CCDC124: variants seen among roughly 807,000 people sequenced by gnomAD.
CCDC124 encodes the protein coiled-coil domain-containing protein 124.
CCDC124 carries 9 observed loss-of-function variants against 19.8 expected under a neutral mutation model. That is an observed-to-expected ratio of 0.45 (90% CI 0.27 to 0.79). CCDC124 has a LOEUF of 0.79. CCDC124 is among the 30% of genes least tolerant of loss of function. The pLI is 0.14. For missense variants in CCDC124, 285 were observed against 319.0 expected (o/e 0.89, Z 0.81); for synonymous variants, 126 against 131.3 (o/e 0.96, Z 0.27).
At chr19:17,941,372 C>T (rs776399250) in intron 2 of CCDC124, among the ~76,000 whole-genome samples, 9 of 151,950 alleles carry the variant, frequency 5.9e-5, no homozygotes, top group Non-Finnish European at 8.8e-5. Flanking sequence ...ATTAGCCAGG[C>T]GTGGTGGTGG....
intron 2 of CCDC124, 116 bp downstream of exon 2, chr19:17,936,695 G>A (rs2031073586): frequency 7.6e-7 from 1 of 1,323,500 alleles, no homozygotes; most frequent in Admixed American, 2.4e-5. Flanking sequence ...GAAAGGCCAG[G>A]AGGGACCAGG....
chr19:17,941,421 AG>A (rs2031177281), intron 2 of CCDC124, among the ~76,000 whole-genome samples: 2 of 151,630 alleles, frequency 1.3e-5, no homozygotes, highest in Admixed American at 1.3e-4. Flanking sequence ...CTGAGGCATG[AG>A]AATTGCTTGA....
Position 17,942,597 on chromosome 19 carries a change from C to T in CCDC124, c.160-59C>T. 4 of 1,524,598 alleles carry T rather than the reference C, an allele frequency of 2.6e-6. No individual in the cohort carries two copies. Among genetic ancestry groups the T allele is most frequent in the Non-Finnish European group, 3.5e-6 (4 of 1,128,710 alleles). 94.4% of individuals were successfully genotyped at this position (1,524,598 alleles called of 1,614,324 possible). Reference sequence around the variant, plus strand: ...CTGAGATGAAAACTCGAACCCCAGGCTAGTGGGTGGCGCGGGGGTGTGGGG... The same window carrying T: ...CTGAGATGAAAACTCGAACCCCAGGTTAGTGGGTGGCGCGGGGGTGTGGGG... On this transcript the variant is annotated intron_variant, in intron 2 of 4. Coordinates refer to ENST00000445755, the MANE Select transcript of CCDC124 (RefSeq NM_001136203.2). This position sits in a 1 kb window ranked among gnomAD's most constrained non-coding sequence, Gnocchi z 4.2.
intron 2 of CCDC124, 123 bp downstream of exon 2, chr19:17,936,702 C>T (rs2031073786): frequency 1.6e-6 from 2 of 1,270,234 alleles, no homozygotes; most frequent in South Asian, 1.5e-5. Flanking sequence ...CAGGAGGGAC[C>T]AGGCGCTGTC....
chr19:17,934,732 G>A (rs949200107), intron 1 of CCDC124, among the ~76,000 whole-genome samples: 2 of 151,678 alleles, frequency 1.3e-5, no homozygotes, highest in Non-Finnish European at 2.9e-5. Context: ...GCAGTAAGCC[G>A]AGATTTCGCC....
chr19:17,939,483 A>G (rs12985769), intron 2 of CCDC124, among the ~76,000 whole-genome samples: 26,738 of 152,154 alleles, frequency 0.18, 2,651 homozygotes, highest in Non-Finnish European at 0.22. Flanking sequence ...CATTGGCTTA[A>G]TCCTCCCTGT....
chr19:17,943,723 A>G lies in CCDC124; in HGVS notation c.*8A>G. 1 of 1,611,172 alleles carries G rather than the reference A, an allele frequency of 6.2e-7. No homozygotes were observed. Among genetic ancestry groups the G allele is most frequent in the Non-Finnish European group, 8.5e-7 (1 of 1,179,030 alleles). Reference sequence around the variant, plus strand: ...TTCAATGCCCCCAAGTGAGCCCAGAACTTGGGGAGCCAGTTCACCCACGGG... The same window carrying G: ...TTCAATGCCCCCAAGTGAGCCCAGAGCTTGGGGAGCCAGTTCACCCACGGG... On this transcript the variant is annotated 3_prime_UTR_variant, in exon 5 of 5. Coordinates refer to ENST00000445755, the MANE Select transcript of CCDC124 (RefSeq NM_001136203.2).
chr19:17,933,246 C>T (rs1452473852), intron 1 of CCDC124, among the ~76,000 whole-genome samples, 198 bp downstream of exon 1: 1 of 152,180 alleles, frequency 6.6e-6, no homozygotes, highest in Non-Finnish European at 1.5e-5. Flanking sequence ...AAGCCCGACG[C>T]GACAGCATGT....
Position 17,943,243 on chromosome 19 carries a change from A to ATCACC in CCDC124, c.350-18_350-17insTCACC. On this transcript the variant is annotated splice_polypyrimidine_tract_variant and intron_variant, in intron 3 of 4. Transcript: ENST00000445755. ...TTGCTTATCTCTCTCTGTCTCTGTC[A>ATCACC]CCCACCCACCCGCCCAGCCGAGAAA... 1 of 430,554 alleles carries ATCACC rather than the reference A, an allele frequency of 2.3e-6. No individual in the cohort carries two copies. 26.7% of individuals were successfully genotyped at this position (430,554 alleles called of 1,614,324 possible).
Position 17,943,296 on chromosome 19 carries a change from G to C in CCDC124, c.385G>C (p.Glu129Gln). ...CAAGAGCCATCTGGAGGTGCCGCTGGAGGAGAACGTGAACCGCCGCGTGCT... is the reference window on the plus strand; with the variant it reads ...CAAGAGCCATCTGGAGGTGCCGCTGCAGGAGAACGTGAACCGCCGCGTGCT... ...KAKSHLEVPL[E>Q]ENVNRRVLEE... is the part of the protein sequence containing the mutation. The change falls in exon 4 of 5, where the codon GAG becomes CAG. Residue 129 changes from glutamate (E) to glutamine (Q), a missense_variant. Coordinates refer to ENST00000445755, the MANE Select transcript of CCDC124 (RefSeq NM_001136203.2). 2 of 1,587,356 alleles carry C rather than the reference G, an allele frequency of 1.3e-6. No homozygotes were observed. The highest frequency in any genetic ancestry group is 2.3e-5 in the East Asian group (1 of 43,974).
In CCDC124 at chr19:17,942,622, G is replaced by A; in HGVS notation, c.160-34G>A. The A allele has an allele frequency of 6.5e-7, 1 of 1,548,634 alleles. No homozygotes were observed. The highest frequency in any genetic ancestry group is 1.2e-5 in the South Asian group (1 of 83,930). On this transcript the variant is annotated intron_variant, in intron 2 of 4. Transcript: ENST00000445755. The surrounding 1 kb of genome is among the most constrained non-coding windows in gnomAD (Gnocchi z 4.2). ...CTAGTGGGTGGCGCGGGGGTGTGGG[G>A]TCTTCTGCCTGACCATGCACGCCGC...
Position 17,943,241 on chromosome 19 carries a change from T to TCGGGGGGGGCC in CCDC124, c.350-19_350-18insGGGGGGGGCCC. ...CTTTGCTTATCTCTCTCTGTCTCTG[T>TCGGGGGGGGCC]CACCCACCCACCCGCCCAGCCGAGA... On this transcript the variant is annotated intron_variant, in intron 3 of 4. Transcript: ENST00000445755. The TCGGGGGGGGCC allele has an allele frequency of 4.9e-5, 36 of 736,678 alleles. No homozygotes were observed. Among genetic ancestry groups the TCGGGGGGGGCC allele is most frequent in the Non-Finnish European group, 8.4e-5 (35 of 414,970 alleles). 45.6% of individuals were successfully genotyped at this position (736,678 alleles called of 1,614,324 possible).
At chr19:17,936,754 G>C (rs555367281) in intron 2 of CCDC124, 175 bp downstream of exon 2, 1 of 689,138 alleles carries the variant, frequency 1.5e-6, no homozygotes. Context: ...GCCGAGGCAG[G>C]CAGATCACCT....
At chr19:17,935,717 G>T (rs1191342354) in intron 1 of CCDC124, among the ~76,000 whole-genome samples, 1 of 152,086 alleles carries the variant, frequency 6.6e-6, no homozygotes, top group Non-Finnish European at 1.5e-5. Flanking sequence ...GAGTAGCTGG[G>T]ATTAAAGGTG....
Position 17,934,614 on chromosome 19 carries a change from T to C in CCDC124, c.-12+1566T>C, listed in dbSNP as rs572187309. The stretch of plus-strand genomic sequence containing the variant: ...CAGCCTGGGCAACATAGTCAGACCC[T>C]GCCTTAAAAAAAAAAAAAAAAAGCT... On this transcript the variant is annotated intron_variant, in intron 1 of 4. Coordinates refer to ENST00000445755, the MANE Select transcript of CCDC124 (RefSeq NM_001136203.2). Among the ~76,000 whole-genome samples, 5 of 123,198 alleles carry C rather than the reference T, an allele frequency of 4.1e-5. 1 individual carries two copies. The East Asian group carries it at 1.1e-3, about 27-fold the overall frequency. The allele number at this position is 123,198 out of a possible 152,430, so 80.8% of individuals were successfully genotyped here. A position where few individuals can be genotyped will look rare whatever the true frequency, so the allele number is the denominator to read the frequency against.
At position 17,943,364 on chromosome 19, in the gene CCDC124, T is replaced by C. The variant is rs1452555300; in HGVS notation, c.453T>C (p.Ile151=). 1.3e-6 allele frequency: 2 copies of C among 1,547,180 alleles called. No homozygotes were observed. Among genetic ancestry groups the C allele is most frequent in the Non-Finnish European group, 1.7e-6 (2 of 1,148,992 alleles). The change falls in exon 4 of 5, where the codon ATT becomes ATC. Residue 151 remains isoleucine, a synonymous_variant. Coordinates refer to ENST00000445755, the MANE Select transcript of CCDC124 (RefSeq NM_001136203.2). ...AGGCGCGCACCATCGAGGACGCCATTGCAGTGCTCAGGTAACGGGGCGGGG... is the reference window on the plus strand; with the variant it reads ...AGGCGCGCACCATCGAGGACGCCATCGCAGTGCTCAGGTAACGGGGCGGGG... The part of the protein sequence containing the change: ...SVEARTIEDA[I]AVLSVAEEAA...
chr19:17,934,275 G>A (rs978361648), intron 1 of CCDC124, among the ~76,000 whole-genome samples: 8 of 149,410 alleles, frequency 5.4e-5, no homozygotes, highest in Non-Finnish European at 2.9e-5. Context: ...AATCCTAGCT[G>A]CTTGGGAGGC....
chr19:17,939,132 C>T (rs966191872), intron 2 of CCDC124, among the ~76,000 whole-genome samples: 5 of 152,162 alleles, frequency 3.3e-5, no homozygotes, highest in Non-Finnish European at 5.9e-5. Flanking sequence ...CGGTGGCTCA[C>T]GCCTGTCATC....
rs1364185859 is a variant in CCDC124 at position 17,942,728 on chromosome 19, G to C, written c.232G>C (p.Asp78His). The C allele has an allele frequency of 5.2e-6, 8 of 1,551,658 alleles. No individual in the cohort carries two copies. Among genetic ancestry groups the C allele is most frequent in the Non-Finnish European group, 7.0e-6 (8 of 1,147,700 alleles). Residue 78 changes from aspartate (D) to histidine (H), a missense_variant, in exon 3 of 5, where the codon GAC (aspartate) becomes CAC (histidine). Transcript: ENST00000445755. The surrounding 1 kb of genome is among the most constrained non-coding windows in gnomAD (Gnocchi z 4.2). The part of the protein sequence containing the change: ...KETQRLLEEE[D>H]SKLKGGKAPR... ...GACGCAGCGCCTACTGGAGGAGGAG[G>C]ACTCCAAGCTCAAGGGCGGCAAGGC...
Sources: gnomAD v4.1 joint callset for allele counts (sites outside exome capture counted in the v4.1 genomes callset) on GRCh38, gnomAD v4.1.1 for gene constraint, Gnocchi (gnomAD v3.1) non-coding constraint, MANE v1.5 for transcripts, NCBI Gene and HGNC (gene_info 2026-07-23, HGNC 2026-07-21) for gene names.